MTR: variants seen among roughly 807,000 people sequenced by gnomAD.
The protein encoded by MTR is 5-methyltetrahydrofolate-homocysteine methyltransferase.
MTR carries 84 observed loss-of-function variants against 154.8 expected under a neutral mutation model. That is an observed-to-expected ratio of 0.54 (90% CI 0.45 to 0.65). MTR has a LOEUF of 0.65. MTR is among the 30% of genes least tolerant of loss of function. The pLI is 0.00. For synonymous variants in MTR, 554 were observed against 553.9 expected, an observed-to-expected ratio of 1.00 and a Z score of 0.00; for missense variants, 1,275 against 1,570.2, an observed-to-expected ratio of 0.81 and a Z score of 3.18.
At chr1:236,806,399 C>T (rs1262665473) in intron 3 of MTR, among the ~76,000 whole-genome samples, 166 bp downstream of exon 3, 2 of 152,160 alleles carry the variant, frequency 1.3e-5, no homozygotes, top group Admixed American at 1.3e-4. Context: ...AGCTTGTGAA[C>T]ACAGTGGCCC....
chr1:236,849,300 C>G (rs1284155658), intron 15 of MTR, among the ~76,000 whole-genome samples: 4 of 152,142 alleles, frequency 2.6e-5, no homozygotes, highest in Admixed American at 2.0e-4. Context: ...GGCATTCTAT[C>G]TAGGGGAGAG....
chr1:236,855,900 A>G (rs766421938), intron 18 of MTR, among the ~76,000 whole-genome samples: 1 of 152,236 alleles, frequency 6.6e-6, no homozygotes. Flanking sequence ...GAATAACTAC[A>G]TGAATAGTGA....
rs1345315956 is a variant in MTR, at chr1:236,902,597, C to T, written c.*4953C>T. 2 of 152,172 alleles carry T rather than the reference C, an allele frequency of 1.3e-5. No individual in the cohort carries two copies. The highest frequency in any genetic ancestry group is 2.4e-5 in the African/African-American group (1 of 41,430). The allele number at this position is 152,172 out of a possible 1,614,324, so 9.4% of individuals were successfully genotyped here. A position where few individuals can be genotyped will look rare whatever the true frequency, so the allele number is the denominator to read the frequency against. On this transcript the variant is annotated 3_prime_UTR_variant, in exon 33 of 33. Coordinates refer to ENST00000366577, the MANE Select transcript of MTR (RefSeq NM_000254.3). Reference sequence around the variant, plus strand: ...CATGAGGGCAGGGGCCCTGCCTCTTCCTGAGCTCAGGATACCCAGAGCCTA... The same window carrying T: ...CATGAGGGCAGGGGCCCTGCCTCTTTCTGAGCTCAGGATACCCAGAGCCTA...
At chr1:236,885,049 G>A (rs1665942265) in intron 25 of MTR, 72 bp from the exon 26 acceptor site, 2 of 925,358 alleles carry the variant, frequency 2.2e-6, no homozygotes, top group South Asian at 1.3e-5. Flanking sequence ...TGAAGGAGGT[G>A]TTATCAGCAT....
chr1:236,837,777 A>G (rs1225607075), intron 14 of MTR, among the ~76,000 whole-genome samples: 1 of 152,094 alleles, frequency 6.6e-6, no homozygotes, highest in Non-Finnish European at 1.5e-5. Context: ...GCCTCATTTC[A>G]TTTCTTTGTA....
intron 15 of MTR, among the ~76,000 whole-genome samples, chr1:236,845,477 G>C (rs1663514548): frequency 6.6e-6 from 1 of 152,194 alleles, no homozygotes; most frequent in East Asian, 1.9e-4. Context: ...CCTATTGAAA[G>C]AGAATATAAT....
chr1:236,860,679 T>C (rs1290035517), intron 19 of MTR, among the ~76,000 whole-genome samples: 1 of 152,218 alleles, frequency 6.6e-6, no homozygotes, highest in Non-Finnish European at 1.5e-5. Flanking sequence ...TATTAATGTA[T>C]AATCTGGTAA....
chr1:236,810,700 G>GT, intron 5 of MTR, 105 bp downstream of exon 5: 1 of 952,048 alleles, frequency 1.1e-6, no homozygotes, highest in Non-Finnish European at 1.7e-6. Flanking sequence ...CTACCTTAGA[G>GT]TTACTGTGAT....
intron 3 of MTR, among the ~76,000 whole-genome samples, chr1:236,807,487 T>C (rs1263308465): frequency 6.6e-6 from 1 of 152,228 alleles, no homozygotes; most frequent in Non-Finnish European, 1.5e-5. Context: ...TGTACCATTT[T>C]ACATTCCCAC....
chr1:236,815,719 G>A, intron 7 of MTR, 56 bp downstream of exon 7: 1 of 1,558,506 alleles, frequency 6.4e-7, no homozygotes. Context: ...GTCCTTTTGA[G>A]CATGTTTTTC....
Position 236,889,255 on chromosome 1 carries a change from A to C in MTR, c.2926A>C (p.Lys976Gln). ...LQKLVDYIDW[K>Q]PFFDVWQLRG... ...GAAGCTGGTGGACTACATTGACTGGAAGCCTTTCTTTGATGTCTGGCAGCT... is the reference window on the plus strand; with the variant it reads ...GAAGCTGGTGGACTACATTGACTGGCAGCCTTTCTTTGATGTCTGGCAGCT... Residue 976 changes from lysine to glutamine, a missense_variant, in exon 28 of 33, where the codon AAG (lysine) becomes CAG (glutamine). By Grantham distance (53) the Lys-to-Gln change is moderately conservative. Transcript: ENST00000366577. The C allele has an allele frequency of 6.2e-7, 1 of 1,614,224 alleles. No homozygotes were observed. Among genetic ancestry groups the C allele is most frequent in the Non-Finnish European group, 8.5e-7 (1 of 1,180,032 alleles).
intron 3 of MTR, among the ~76,000 whole-genome samples, chr1:236,807,925 C>G (rs1213350756): frequency 6.6e-6 from 1 of 152,156 alleles, no homozygotes; most frequent in Non-Finnish European, 1.5e-5. Context: ...CCCAGTAAAA[C>G]TATTTACAAA....
intron 28 of MTR, 124 bp downstream of exon 28, chr1:236,889,460 G>C (rs1344760297): frequency 2.3e-6 from 3 of 1,307,756 alleles, no homozygotes; most frequent in Non-Finnish European, 3.3e-6. Context: ...CTTTCATATT[G>C]CTCACCTGCC....
chr1:236,892,527 C>T (rs1045268380), intron 29 of MTR, among the ~76,000 whole-genome samples: 5 of 152,122 alleles, frequency 3.3e-5, no homozygotes, highest in East Asian at 1.9e-4. Context: ...ATCCCAACCA[C>T]AATATAATTC....
At position 236,895,415 on chromosome 1, in the gene MTR, A is replaced by G. The variant is rs369154176; in HGVS notation, c.3463A>G (p.Ser1155Gly). Reference protein sequence around the residue: ...VRRELWAYCGSEQLDVADLRR... With the variant: ...VRRELWAYCGGEQLDVADLRR... ...CCGAGAACTGTGGGCCTACTGTGGC[A>G]GTGAGCAGCTGGACGTCGCAGACCT... The change falls in exon 31 of 33, where the codon AGT becomes GGT. Residue 1155 changes from serine to glycine, a missense_variant. Physicochemically the swap from Ser to Gly is moderately conservative, Grantham distance 56 (BLOSUM62 0). Transcript: ENST00000366577. 97 of 1,605,316 alleles carry G rather than the reference A, an allele frequency of 6.0e-5. No homozygotes were observed. Among genetic ancestry groups the G allele is most frequent in the Non-Finnish European group, 8.1e-5 (95 of 1,175,750 alleles).
chr1:236,806,318 C>T lies in MTR; in HGVS notation c.339+85C>T, dbSNP rs908578305. ...TTGCTAGTGAGTAAAGCACTGGAAG[C>T]TGCAGAGTCAAGCTAATGCCTAGTT... On this transcript the variant is annotated intron_variant, in intron 3 of 32. Transcript: ENST00000366577. The T allele has an allele frequency of 2.2e-5, 24 of 1,087,102 alleles. No individual in the cohort carries two copies. In the African/African-American group the frequency reaches 3.6e-4, roughly 16 times the overall value. 67.3% of individuals were successfully genotyped at this position (1,087,102 alleles called of 1,614,324 possible).
At chr1:236,872,175 T>C (rs1437411372) in intron 22 of MTR, among the ~76,000 whole-genome samples, 1 of 152,202 alleles carries the variant, frequency 6.6e-6, no homozygotes, top group Non-Finnish European at 1.5e-5. Flanking sequence ...CCTAGAACAT[T>C]TTCCAGGGCA....
chr1:236,824,355 T>C, intron 9 of MTR, 136 bp downstream of exon 9: 1 of 808,954 alleles, frequency 1.2e-6, no homozygotes, highest in Non-Finnish European at 2.1e-6. Flanking sequence ...ATGAAGAGTG[T>C]CTGGGTGCAG....
chr1:236,832,679 G>A (rs965016219), intron 13 of MTR, among the ~76,000 whole-genome samples: 1 of 152,158 alleles, frequency 6.6e-6, no homozygotes, highest in African/African-American at 2.4e-5. Context: ...ATTTAAAAAT[G>A]GAGGAATTTT....
Sources: allele counts gnomAD v4.1 joint callset (sites outside exome capture counted in the v4.1 genomes callset), GRCh38; gene constraint gnomAD v4.1.1; transcripts MANE v1.5; gene names NCBI Gene and HGNC (gene_info 2026-07-23, HGNC 2026-07-21).